The following OPA1 variants were observed in gnomAD, a reference collection of about 807,000 sequenced individuals.
The protein encoded by OPA1 is dynamin-like GTPase OPA1, mitochondrial.
Under a neutral mutation model 152.9 loss-of-function variants are expected in OPA1, and 59 were observed. That is an observed-to-expected ratio of 0.39 (90% CI 0.31 to 0.48). OPA1 has a LOEUF of 0.48. OPA1 is among the 20% of genes least tolerant of loss of function. The pLI is 0.96. For synonymous variants in OPA1, 400 were observed against 389.9 expected (o/e 1.03, Z -0.31); for missense variants, 1,008 against 1,216.8 (o/e 0.83, Z 2.55).
intron 29 of OPA1, among the ~76,000 whole-genome samples, chr3:193,671,030 T>A (rs777801751): frequency 6.6e-6 from 1 of 152,088 alleles, no homozygotes; most frequent in South Asian, 2.1e-4. Context: ...AGTAACAAAT[T>A]GTAACTCATT....
intron 7 of OPA1, among the ~76,000 whole-genome samples, chr3:193,630,982 A>G (rs1034527309): frequency 6.6e-6 from 1 of 152,198 alleles, no homozygotes; most frequent in African/African-American, 2.4e-5. Context: ...CTTCATTGCT[A>G]TGGATGCATT....
intron 7 of OPA1, among the ~76,000 whole-genome samples, chr3:193,630,412 A>G (rs1731894728): frequency 1.3e-5 from 2 of 152,232 alleles, no homozygotes; most frequent in South Asian, 4.1e-4. Context: ...TGTTATCTAT[A>G]TTATTGAAAT....
Position 193,599,354 on chromosome 3 carries a change from G to C in OPA1, c.32+5945G>C, listed in dbSNP as rs73067635. Among the ~76,000 whole-genome samples, 1,101 of 150,270 alleles carry C rather than the reference G, an allele frequency of 7.3e-3. 8 individuals are homozygous for C. Among genetic ancestry groups the C allele is most frequent in the African/African-American group, 0.022 (890 of 40,992 alleles). ...TCTATGCCAGCTCCTTGGGTCTCTT[G>C]CCCTTTCATTGTCTCAGCTCTGCAC... On this transcript the variant is annotated intron_variant, in intron 1 of 30. Transcript: ENST00000361510.
At chr3:193,661,593 A>G (rs1380919032) in intron 25 of OPA1, among the ~76,000 whole-genome samples, 1 of 152,224 alleles carries the variant, frequency 6.6e-6, no homozygotes, top group Non-Finnish European at 1.5e-5. Context: ...TGAGAAATCC[A>G]TTCTCTGAAA....
At chr3:193,635,357 C>A in intron 8 of OPA1, 61 bp from the exon 9 acceptor site, 2 of 997,980 alleles carry the variant, frequency 2.0e-6, no homozygotes, top group Non-Finnish European at 3.2e-6. Context: ...TTAATTTAGA[C>A]TTAATACTAT....
At chr3:193,608,460 A>G (rs1727644976) in intron 1 of OPA1, among the ~76,000 whole-genome samples, 1 of 152,162 alleles carries the variant, frequency 6.6e-6, no homozygotes, top group African/African-American at 2.4e-5. Context: ...TTCGTTATGT[A>G]CCCAGTAGTC....
At chr3:193,677,155 C>T (rs1719285635) in intron 29 of OPA1, among the ~76,000 whole-genome samples, 1 of 151,808 alleles carries the variant, frequency 6.6e-6, no homozygotes, top group African/African-American at 2.4e-5. Context: ...AGAATAAAGA[C>T]AAGAATGTTC....
intron 7 of OPA1, 35 bp downstream of exon 7, chr3:193,626,237 C>A: frequency 1.4e-6 from 2 of 1,429,632 alleles, no homozygotes; most frequent in South Asian, 2.3e-5. Context: ...CCGATACATT[C>A]ACACTAATCA....
chr3:193,596,351 C>CTTTT (rs1725538714), intron 1 of OPA1, among the ~76,000 whole-genome samples: 37 of 137,640 alleles, frequency 2.7e-4, no homozygotes, highest in Admixed American at 4.0e-4. Context: ...CTTTTCTTTT[C>CTTTT]TTTTCTTTTC....
intron 1 of OPA1, among the ~76,000 whole-genome samples, chr3:193,596,605 T>C (rs1385623825): frequency 6.6e-6 from 1 of 152,106 alleles, no homozygotes; most frequent in African/African-American, 2.4e-5. Context: ...ATTGCAACTT[T>C]TCATTTCCAT....
At chr3:193,648,028 A>G (rs1229705464) in intron 19 of OPA1, 42 bp from the exon 20 acceptor site, 1 of 1,420,048 alleles carries the variant, frequency 7.0e-7, no homozygotes, top group Non-Finnish European at 1.0e-6. Flanking sequence ...ACATCTGGAA[A>G]GAAGGAGGGT....
At chr3:193,624,287 CTT>C (rs1467714579) in intron 6 of OPA1, 1 of 152,128 alleles carries the variant, frequency 6.6e-6, no homozygotes, top group Non-Finnish European at 1.5e-5. Flanking sequence ...CACTATTGCT[CTT>C]GACTAGTCTT....
At chr3:193,681,461 T>C (rs765311900) in intron 29 of OPA1, among the ~76,000 whole-genome samples, 5 of 152,124 alleles carry the variant, frequency 3.3e-5, no homozygotes, top group African/African-American at 1.2e-4. Context: ...AAAAGGAAAA[T>C]CCAGGCAAGT....
chr3:193,661,004 C>A (rs1380319629), intron 25 of OPA1, among the ~76,000 whole-genome samples: 1 of 152,220 alleles, frequency 6.6e-6, no homozygotes, highest in African/African-American at 2.4e-5. Context: ...CCTAAAGTCT[C>A]TAGAACAGTT....
intron 29 of OPA1, among the ~76,000 whole-genome samples, chr3:193,671,997 A>C (rs188855909): frequency 3.3e-5 from 5 of 152,206 alleles, no homozygotes; most frequent in African/African-American, 1.2e-4. Flanking sequence ...TGGGACTTTC[A>C]TGAAATTCTT....
At chr3:193,640,161 A>G (rs1733550826) in intron 11 of OPA1, among the ~76,000 whole-genome samples, 1 of 152,214 alleles carries the variant, frequency 6.6e-6, no homozygotes, top group Non-Finnish European at 1.5e-5. Flanking sequence ...TCAACTATCT[A>G]AAAGTAGTAT....
intron 19 of OPA1, among the ~76,000 whole-genome samples, chr3:193,647,518 G>A (rs1368735057): frequency 6.6e-6 from 1 of 152,184 alleles, no homozygotes. Flanking sequence ...AGAGCCCTCT[G>A]AACTTCCTTT....
intron 29 of OPA1, among the ~76,000 whole-genome samples, chr3:193,680,502 C>A (rs1323813172): frequency 6.6e-6 from 1 of 152,198 alleles, no homozygotes; most frequent in African/African-American, 2.4e-5. Flanking sequence ...ACTGTCCATT[C>A]ACTTCCCATC....
At chr3:193,693,990 T>C (rs1176712080) in intron 30 of OPA1, among the ~76,000 whole-genome samples, 1 of 152,232 alleles carries the variant, frequency 6.6e-6, no homozygotes, top group Non-Finnish European at 1.5e-5. Context: ...GCTGTATTTC[T>C]GTTTTTTTAA....
Sources: allele counts gnomAD v4.1 joint callset (sites outside exome capture counted in the v4.1 genomes callset), GRCh38; gene constraint gnomAD v4.1.1; transcripts MANE v1.5; gene names NCBI Gene and HGNC (gene_info 2026-07-23, HGNC 2026-07-21).